EFEMP1: variants seen among roughly 807,000 people sequenced by gnomAD.
EFEMP1 encodes EGF-like fibulin extracellular matrix protein 1.
In EFEMP1, 18 loss-of-function variants were observed where a neutral mutation model predicts 65.7. The observed-to-expected ratio is 0.27, with a 90% CI of 0.19 to 0.41. The LOEUF (loss-of-function observed/expected upper bound fraction) is 0.41, where lower values mean the gene tolerates loss of function less well. Ranked by LOEUF, EFEMP1 falls within the 10% of genes least tolerant of loss-of-function variation. The pLI is 1.00. For synonymous variants in EFEMP1, 237 were observed against 219.7 expected (o/e 1.08, Z -0.70); for missense variants, 469 against 624.8 (o/e 0.75, Z 2.66).
At chr2:55,893,771 A>G (rs1235231064) in intron 5 of EFEMP1, among the ~76,000 whole-genome samples, 3 of 152,152 alleles carry the variant, frequency 2.0e-5, no homozygotes, top group Non-Finnish European at 4.4e-5. Context: ...GGGGTTTTTA[A>G]TGTAATTTTC....
chr2:55,910,792 A>G lies in EFEMP1; in HGVS notation c.517+6873T>C, dbSNP rs140506355. Among the ~76,000 whole-genome samples, 40 of 152,314 alleles carry G rather than the reference A, an allele frequency of 2.6e-4. No individual in the cohort carries two copies. The Middle Eastern group carries it at 0.01, about 39-fold the overall frequency. On this transcript the variant is annotated intron_variant, in intron 5 of 11. Coordinates refer to ENST00000355426, the MANE Select transcript of EFEMP1 (RefSeq NM_001039348.3). ...TATGTGAATATTCTTCAAATATCTG[A>G]TATTTACAGAGTCTAAATGGAAAGA...
At position 55,876,647 on chromosome 2, in the gene EFEMP1, T is replaced by C; in HGVS notation, c.856A>G (p.Ser286Gly). Residue 286 changes from serine to glycine, a missense_variant, in exon 8 of 12, where the codon AGC becomes GGC. Physicochemically the swap from Ser to Gly is moderately conservative, Grantham distance 56. Transcript: ENST00000355426. ...CCTTCACAGTTGAGCCTGTCACTGC[T>C]TAGCTCATATCCTTGATTGCACTGA... Reference protein sequence around the residue: ...ICQCNQGYELSSDRLNCEDID... With the variant: ...ICQCNQGYELGSDRLNCEDID... 3 of 1,612,376 alleles carry C rather than the reference T, an allele frequency of 1.9e-6. No individual in the cohort carries two copies. Among genetic ancestry groups the C allele is most frequent in the Non-Finnish European group, 2.5e-6 (3 of 1,178,866 alleles).
chr2:55,889,870 A>T (rs1329232834), intron 5 of EFEMP1, among the ~76,000 whole-genome samples: 1 of 151,924 alleles, frequency 6.6e-6, no homozygotes, highest in Non-Finnish European at 1.5e-5. Flanking sequence ...GGAAAATAGA[A>T]TAATACAAAA....
Position 55,875,197 on chromosome 2 carries a change from T to G in EFEMP1, c.881-132A>C, listed in dbSNP as rs558531308. 8.4e-6 allele frequency: 3 copies of G among 357,778 alleles called. No homozygotes were observed. The East Asian group carries it at 3.5e-4, about 41-fold the overall frequency. The allele number at this position is 357,778 out of a possible 1,614,324, so 22.2% of individuals were successfully genotyped here. ...TAAAATATCTATATTAAAATAATTATATATAATTAAAATTATTTATATTTT... is the reference window on the plus strand; with the variant it reads ...TAAAATATCTATATTAAAATAATTAGATATAATTAAAATTATTTATATTTT... On this transcript the variant is annotated intron_variant, in intron 8 of 11. Coordinates refer to ENST00000355426, the MANE Select transcript of EFEMP1 (RefSeq NM_001039348.3).
chr2:55,909,947 C>G (rs1440697362), intron 5 of EFEMP1, among the ~76,000 whole-genome samples: 1 of 152,172 alleles, frequency 6.6e-6, no homozygotes, highest in Non-Finnish European at 1.5e-5. Context: ...TGACTGAATT[C>G]ACTGAACTCT....
At chr2:55,903,138 A>G (rs1047751886) in intron 5 of EFEMP1, among the ~76,000 whole-genome samples, 1 of 152,216 alleles carries the variant, frequency 6.6e-6, no homozygotes, top group African/African-American at 2.4e-5. Flanking sequence ...TGGGGTTTCC[A>G]CCACCCTTTG....
Position 55,922,234 on chromosome 2 carries a change from A to C in EFEMP1, c.81+126T>G, listed in dbSNP as rs1367521803. ...GAATCTTAGATATGAAGCATGAATG[A>C]AGTGTTGTTTAATTTATCACCCTCA... On this transcript the variant is annotated intron_variant, in intron 3 of 11. Transcript: ENST00000355426. The surrounding 1 kb of genome is among the most constrained non-coding windows in gnomAD (Gnocchi z 5.5). 1.1e-6 allele frequency: 1 copy of C among 872,636 alleles called. No homozygotes were observed. The highest frequency in any genetic ancestry group is 1.7e-5 in the African/African-American group (1 of 60,486). 54.1% of individuals were successfully genotyped at this position (872,636 alleles called of 1,614,324 possible).
rs1275499285 is a variant in EFEMP1, at chr2:55,885,993, T to C, written c.518-4259A>G. Among the ~76,000 whole-genome samples the C allele has an allele frequency of 6.6e-6, 1 of 152,186 alleles. No individual in the cohort carries two copies. ...CACAACATGGAGTCCCTTTAGCATG[T>C]TTTCATGGGCAAAAATTATCTGCAC... On this transcript the variant is annotated intron_variant, in intron 5 of 11. Coordinates refer to ENST00000355426, the MANE Select transcript of EFEMP1 (RefSeq NM_001039348.3). This position sits in a 1 kb window ranked among gnomAD's most constrained non-coding sequence, Gnocchi z 4.3.
Position 55,867,272 on chromosome 2 carries a change from T to A in EFEMP1, c.1321-38A>T, listed in dbSNP as rs1478275488. 8 of 1,603,160 alleles carry A rather than the reference T, an allele frequency of 5.0e-6. No individual in the cohort carries two copies. The South Asian group carries it at 7.8e-5, about 16-fold the overall frequency. The stretch of plus-strand genomic sequence containing the variant: ...AAAATAGAGAAAGGAAGAGAATAAT[T>A]TTCTTGGATTGGAGTTTCTATGCTT... On this transcript the variant is annotated intron_variant, in intron 11 of 11. Transcript: ENST00000355426. This position sits in a 1 kb window ranked among gnomAD's most constrained non-coding sequence, Gnocchi z 4.3.
rs570176431 is a variant in EFEMP1, at chr2:55,921,306, G to T, written c.81+1054C>A. Reference sequence around the variant, plus strand: ...GTATTAAGCTATTTTATTTATAGTGGATCTGAACAACAGAAAGGAACATTT... The same window carrying T: ...GTATTAAGCTATTTTATTTATAGTGTATCTGAACAACAGAAAGGAACATTT... On this transcript the variant is annotated intron_variant, in intron 3 of 11. Coordinates refer to ENST00000355426, the MANE Select transcript of EFEMP1 (RefSeq NM_001039348.3). The surrounding 1 kb of genome is among the most constrained non-coding windows in gnomAD (Gnocchi z 4.1). Among the ~76,000 whole-genome samples, 7 of 152,268 alleles carry T rather than the reference G, an allele frequency of 4.6e-5. No individual in the cohort carries two copies. In the South Asian group the frequency reaches 8.3e-4, roughly 18 times the overall value.
intron 5 of EFEMP1, among the ~76,000 whole-genome samples, chr2:55,889,107 C>A (rs1323573316): frequency 6.6e-6 from 1 of 152,206 alleles, no homozygotes; most frequent in African/African-American, 2.4e-5. Context: ...TTAGTCAAGT[C>A]TCTGGAGCCC....
At chr2:55,895,174 C>T (rs1278455809) in intron 5 of EFEMP1, among the ~76,000 whole-genome samples, 1 of 152,224 alleles carries the variant, frequency 6.6e-6, no homozygotes, top group African/African-American at 2.4e-5. Context: ...TGATGCTGGG[C>T]TGCTGCCAGG....
chr2:55,898,543 C>G (rs904904047), intron 5 of EFEMP1, among the ~76,000 whole-genome samples: 1 of 152,084 alleles, frequency 6.6e-6, no homozygotes, highest in African/African-American at 2.4e-5. Flanking sequence ...ATAAATCAGA[C>G]TGACATAGGC....
At position 55,866,108 on chromosome 2, in the gene EFEMP1, G is replaced by C. The variant is rs1235998805; in HGVS notation, c.*965C>G. ...TTTGCTTAAGTTCACTGTCACTCTG[G>C]ATGCCAGGAATAAAAACCATCATCA... is the stretch of plus-strand genomic sequence containing the variant. On this transcript the variant is annotated 3_prime_UTR_variant, in exon 12 of 12. Transcript: ENST00000355426. The C allele has an allele frequency of 6.6e-6, 1 of 152,150 alleles. No homozygotes were observed. The highest frequency in any genetic ancestry group is 2.4e-5 in the African/African-American group (1 of 41,428). The allele number at this position is 152,150 out of a possible 1,614,324, so 9.4% of individuals were successfully genotyped here.
chr2:55,884,674 G>A (rs778224798), intron 5 of EFEMP1, among the ~76,000 whole-genome samples: 1 of 152,158 alleles, frequency 6.6e-6, no homozygotes, highest in Non-Finnish European at 1.5e-5. Context: ...AACTACTCAG[G>A]TCAGCCATGA....
chr2:55,906,601 A>G (rs1410891307), intron 5 of EFEMP1, among the ~76,000 whole-genome samples: 2 of 150,732 alleles, frequency 1.3e-5, no homozygotes, highest in African/African-American at 2.4e-5. Context: ...TTCTTCTGAT[A>G]TTCCAGGACA....
intron 5 of EFEMP1, among the ~76,000 whole-genome samples, chr2:55,916,474 G>A (rs1670692914): frequency 6.6e-6 from 1 of 152,142 alleles, no homozygotes; most frequent in Admixed American, 6.5e-5. Flanking sequence ...AACTAAACAC[G>A]GGTGAATAAG....
At chr2:55,888,334 CTT>C (rs71713705) in intron 5 of EFEMP1, among the ~76,000 whole-genome samples, 24,116 of 113,820 alleles carry the variant, frequency 0.21, 3,040 homozygotes, top group East Asian at 0.7. Context: ...CCTTCTTAAA[CTT>C]TTTTTTTTTT....
intron 8 of EFEMP1, 33 bp from the exon 9 acceptor site, chr2:55,875,098 T>C (rs1352378854): frequency 1.6e-5 from 24 of 1,547,260 alleles, no homozygotes; most frequent in Non-Finnish European, 2.0e-5. Flanking sequence ...GGACACAGAG[T>C]TGAAAAGTTT....
Sources: allele counts gnomAD v4.1 joint callset (sites outside exome capture counted in the v4.1 genomes callset), GRCh38; gene constraint gnomAD v4.1.1; non-coding constraint Gnocchi (gnomAD v3.1); transcripts MANE v1.5; gene names NCBI Gene and HGNC (gene_info 2026-07-23, HGNC 2026-07-21).